ADGRL3: variants seen among roughly 807,000 people sequenced by gnomAD.
ADGRL3 encodes calcium-independent alpha-latrotoxin receptor 3.
A neutral mutation model predicts 153.5 loss-of-function variants in ADGRL3; 62 were observed. The observed-to-expected ratio is 0.40, with a 90% confidence interval of 0.33 to 0.50. The LOEUF is 0.50. Among genes scored for constraint, ADGRL3 ranks in the 20% least tolerant of loss-of-function variants. The probability of loss-of-function intolerance (pLI) is 0.47; values close to 1 mark genes in which losing one functional copy is unlikely to be tolerated. For missense variants in ADGRL3, 1,641 were observed against 1,859.4 expected (o/e 0.88, Z 2.16); for synonymous variants, 710 against 672.5 (o/e 1.06, Z -0.86).
intron 17 of ADGRL3, among the ~76,000 whole-genome samples, chr4:61,960,254 C>T (rs2098982781): frequency 6.6e-6 from 1 of 151,954 alleles, no homozygotes; most frequent in South Asian, 2.1e-4. Context: ...CCTCTTGTGT[C>T]CAAGTTCAGT....
chr4:61,733,263 G>C lies in ADGRL3; in HGVS notation c.1108G>C (p.Asp370His). The C allele has an allele frequency of 2.5e-6, 4 of 1,613,738 alleles. No individual in the cohort carries two copies. Among genetic ancestry groups the C allele is most frequent in the Non-Finnish European group, 3.4e-6 (4 of 1,179,830 alleles). The change falls in exon 8 of 27, where the codon GAT (aspartate) becomes CAT (histidine). Residue 370 changes from aspartate (D) to histidine (H), a missense_variant. Physicochemically the swap from Asp to His is moderately conservative, Grantham distance 81. Transcript: ENST00000683033. The part of the protein sequence containing the change: ...PYTLRIEGTW[D>H]TAYDKRSASN... ...CACCCTACGGATCGAAGGAACATGG[G>C]ATACTGCATATGATAAAAGGTCAGC...
intron 9 of ADGRL3, among the ~76,000 whole-genome samples, chr4:61,823,439 C>T (rs181168893): frequency 8.4e-4 from 128 of 152,262 alleles, no homozygotes; most frequent in Middle Eastern, 3.4e-3. Context: ...GAGAGCTAAT[C>T]ATACTATTCT....
chr4:61,625,041 C>T (rs1221557138), intron 5 of ADGRL3, among the ~76,000 whole-genome samples: 5 of 151,978 alleles, frequency 3.3e-5, no homozygotes, highest in African/African-American at 1.2e-4. Flanking sequence ...GATAATGATA[C>T]TGAACCAAAA....
At chr4:61,479,537 T>C (rs1201778585) in intron 2 of ADGRL3, among the ~76,000 whole-genome samples, 1 of 152,112 alleles carries the variant, frequency 6.6e-6, no homozygotes, top group African/African-American at 2.4e-5. Context: ...GCCTTTAAAT[T>C]GTTTTATTAT....
intron 6 of ADGRL3, among the ~76,000 whole-genome samples, chr4:61,725,241 A>T (rs2096307783): frequency 6.6e-6 from 1 of 152,136 alleles, no homozygotes; most frequent in South Asian, 2.1e-4. Context: ...ACCTAAACTT[A>T]TTAGCCATAG....
At chr4:61,270,473 C>T (rs2093105114) in intron 1 of ADGRL3, among the ~76,000 whole-genome samples, 1 of 151,566 alleles carries the variant, frequency 6.6e-6, no homozygotes, top group African/African-American at 2.4e-5. Flanking sequence ...ATGAAAAAAA[C>T]CTGCTTATTT....
intron 6 of ADGRL3, among the ~76,000 whole-genome samples, chr4:61,696,915 G>T (rs2095653818): frequency 6.6e-6 from 1 of 151,976 alleles, no homozygotes; most frequent in Admixed American, 6.6e-5. Flanking sequence ...GACCTCAAGT[G>T]ATCTGCCAGC....
intron 1 of ADGRL3, among the ~76,000 whole-genome samples, chr4:61,321,245 A>G (rs2095349410): frequency 6.6e-6 from 1 of 152,118 alleles, no homozygotes; most frequent in Admixed American, 6.5e-5. Flanking sequence ...GCTGATCTTC[A>G]TGGACAAAGA....
At chr4:61,402,502 A>G (rs1200089880) in intron 2 of ADGRL3, among the ~76,000 whole-genome samples, 1 of 152,116 alleles carries the variant, frequency 6.6e-6, no homozygotes, top group Admixed American at 6.6e-5. Context: ...TGGACAGATC[A>G]ACTTAAAAAT....
chr4:61,296,545 A>C (rs1371780734), intron 1 of ADGRL3, among the ~76,000 whole-genome samples: 1 of 152,196 alleles, frequency 6.6e-6, no homozygotes, highest in African/African-American at 2.4e-5. Flanking sequence ...TAAGGATTTA[A>C]AATCCATGCA....
chr4:61,511,718 C>T (rs985299240), intron 3 of ADGRL3, among the ~76,000 whole-genome samples: 26 of 152,046 alleles, frequency 1.7e-4, no homozygotes, highest in Non-Finnish European at 5.9e-5. Context: ...TTTAGGTATA[C>T]CATAAAATTG....
At chr4:61,322,075 A>T (rs2095367957) in intron 1 of ADGRL3, among the ~76,000 whole-genome samples, 1 of 152,188 alleles carries the variant, frequency 6.6e-6, no homozygotes, top group African/African-American at 2.4e-5. Flanking sequence ...GGGAGGCCTC[A>T]CAATTGTGGC....
At chr4:61,672,883 T>A (rs1208053935) in intron 5 of ADGRL3, among the ~76,000 whole-genome samples, 1 of 152,052 alleles carries the variant, frequency 6.6e-6, no homozygotes, top group Non-Finnish European at 1.5e-5. Context: ...CTCACGTTCC[T>A]TGCAGTACTG....
intron 5 of ADGRL3, among the ~76,000 whole-genome samples, chr4:61,651,773 A>ATTTTTT (rs377167454): frequency 2.4e-5 from 3 of 126,762 alleles, no homozygotes; most frequent in Non-Finnish European, 5.0e-5. Flanking sequence ...AGGCCCAGCT[A>ATTTTTT]TTTTTTTTTT....
At chr4:61,411,628 T>C (rs1270255969) in intron 2 of ADGRL3, among the ~76,000 whole-genome samples, 1 of 152,196 alleles carries the variant, frequency 6.6e-6, no homozygotes, top group Non-Finnish European at 1.5e-5. Flanking sequence ...ACATACAATT[T>C]TGACTAATTT....
intron 6 of ADGRL3, among the ~76,000 whole-genome samples, chr4:61,710,100 T>G (rs1320617353): frequency 1.3e-5 from 2 of 152,180 alleles, no homozygotes; most frequent in Non-Finnish European, 2.9e-5. Flanking sequence ...ATGAAATGAG[T>G]TCTTCATCTT....
chr4:62,025,473 G>A (rs2151435146), intron 21 of ADGRL3, among the ~76,000 whole-genome samples: 1 of 152,116 alleles, frequency 6.6e-6, no homozygotes, highest in African/African-American at 2.4e-5. Context: ...ACCTGGCCTG[G>A]TAGTATGGCA....
chr4:61,904,489 T>C (rs1305105225), intron 11 of ADGRL3, among the ~76,000 whole-genome samples: 1 of 152,168 alleles, frequency 6.6e-6, no homozygotes, highest in Non-Finnish European at 1.5e-5. Context: ...ACATTTTGAC[T>C]TATTGGTCAT....
chr4:61,897,467 G>C (rs1031684104), intron 11 of ADGRL3, among the ~76,000 whole-genome samples: 1 of 152,088 alleles, frequency 6.6e-6, no homozygotes, highest in South Asian at 2.1e-4. Context: ...CACAACACTG[G>C]TTAAACCATG....
Sources: gnomAD v4.1 joint callset for allele counts (sites outside exome capture counted in the v4.1 genomes callset) on GRCh38, gnomAD v4.1.1 for gene constraint, MANE v1.5 for transcripts, NCBI Gene and HGNC (gene_info 2026-07-23, HGNC 2026-07-21) for gene names.